Variants in DENND2A observed in about 807,000 individuals in gnomAD.
The protein encoded by DENND2A is DENN domain containing 2A.
DENND2A carries 53 observed loss-of-function variants against 105.3 expected under a neutral mutation model. That is an observed-to-expected ratio of 0.50 (90% CI 0.40 to 0.63). The LOEUF is 0.63. Among genes scored for constraint, DENND2A ranks in the 30% least tolerant of loss-of-function variants. The probability of loss-of-function intolerance (pLI) is 0.00; values close to 1 mark genes in which losing one functional copy is unlikely to be tolerated. For missense variants in DENND2A, 1,138 were observed against 1,279.6 expected (o/e 0.89, Z 1.69); for synonymous variants, 522 against 508.4 (o/e 1.03, Z -0.36).
At chr7:140,593,222 C>A (rs1000097702) in intron 3 of DENND2A, among the ~76,000 whole-genome samples, 1 of 152,182 alleles carries the variant, frequency 6.6e-6, no homozygotes, top group African/African-American at 2.4e-5. Flanking sequence ...AGTAAACATG[C>A]GAGTCACATT....
At chr7:140,610,542 G>A (rs933411933) in intron 1 of DENND2A, among the ~76,000 whole-genome samples, 37 of 152,054 alleles carry the variant, frequency 2.4e-4, no homozygotes, top group African/African-American at 8.9e-4. Flanking sequence ...ATATATATAT[G>A]TATATAATTT....
At chr7:140,555,135 CTTTT>C (rs11308626) in intron 12 of DENND2A, among the ~76,000 whole-genome samples, 1 of 118,458 alleles carries the variant, frequency 8.4e-6, no homozygotes, top group Non-Finnish European at 1.8e-5. Flanking sequence ...TTCATTAACT[CTTTT>C]TTTTTTTTTT....
intron 5 of DENND2A, 126 bp downstream of exon 5, chr7:140,585,462 CA>C: frequency 7.4e-7 from 1 of 1,358,442 alleles, no homozygotes; most frequent in Non-Finnish European, 1.0e-6. Context: ...CAGCGTTGTA[CA>C]AATCCAGGAG....
intron 13 of DENND2A, among the ~76,000 whole-genome samples, chr7:140,545,319 ATGATATG>A (rs1231307380): frequency 6.6e-6 from 1 of 152,044 alleles, no homozygotes; most frequent in Non-Finnish European, 1.5e-5. Context: ...TCCATTTCTG[ATGATATG>A]TGCTTTCAGC....
Position 140,527,183 on chromosome 7 carries a change from A to G in DENND2A, c.2505+135T>C. 1 of 960,216 alleles carries G rather than the reference A, an allele frequency of 1.0e-6. No individual in the cohort carries two copies. 59.5% of individuals were successfully genotyped at this position (960,216 alleles called of 1,614,324 possible). On this transcript the variant is annotated intron_variant, in intron 15 of 19. Transcript: ENST00000496613. The surrounding 1 kb of genome is among the most constrained non-coding windows in gnomAD (Gnocchi z 4.9). ...CTCTGGGCAGGACCCATGCCAGACA[A>G]AGCCCTGGTGCCCCCACGCCCTGCT...
Position 140,594,399 on chromosome 7 carries a change from C to G in DENND2A, c.996-6619G>C, listed in dbSNP as rs571735385. ...TTCCTCTGACATGATGCAGTCTTTC[C>G]TGTCTCAGGGCTTTCACCTATTAGT... On this transcript the variant is annotated intron_variant, in intron 3 of 19. Transcript: ENST00000496613. Among the ~76,000 whole-genome samples, 33 of 152,306 alleles carry G rather than the reference C, an allele frequency of 2.2e-4. 1 individual carries two copies. Among genetic ancestry groups the G allele is most frequent in the African/African-American group, 7.2e-4 (30 of 41,578 alleles).
rs774402271 is a variant in DENND2A at position 140,559,743 on chromosome 7, A to G, written c.1854T>C (p.Asp618=). ...LKAIPQFCFP[D]AKDWVPVQQF... is the part of the protein sequence containing the mutation. ...GCTGGACAGGAACCCAATCCTTGGC[A>G]TCGGGAAAACAGAACTGGGGAATGG... Residue 618 remains aspartate (D), a synonymous_variant, in exon 10 of 20, where the codon GAT becomes GAC. Transcript: ENST00000496613. This position sits in a 1 kb window ranked among gnomAD's most constrained non-coding sequence, Gnocchi z 4.1. 12 of 1,614,206 alleles carry G rather than the reference A, an allele frequency of 7.4e-6. No homozygotes were observed. Among genetic ancestry groups the G allele is most frequent in the Admixed American group, 1.7e-5 (1 of 60,020 alleles).
chr7:140,550,524 T>A (rs1055323805), intron 12 of DENND2A, among the ~76,000 whole-genome samples: 4 of 152,232 alleles, frequency 2.6e-5, no homozygotes, highest in African/African-American at 7.2e-5. Context: ...TTTCACCATG[T>A]TTGCCAGGCT....
intron 1 of DENND2A, chr7:140,609,928 C>T (rs1799832396): frequency 6.6e-6 from 1 of 152,096 alleles, no homozygotes; most frequent in Non-Finnish European, 1.5e-5. Context: ...ACTCTTCCCC[C>T]CTTCTCACTA....
intron 1 of DENND2A, among the ~76,000 whole-genome samples, chr7:140,615,561 G>A (rs537200049): frequency 3.4e-5 from 5 of 147,844 alleles, no homozygotes; most frequent in South Asian, 2.1e-4. Flanking sequence ...TTTTTGAGAC[G>A]GAGCCTCGCT....
chr7:140,519,290 C>T (rs1247463671), intron 19 of DENND2A, among the ~76,000 whole-genome samples: 1 of 152,190 alleles, frequency 6.6e-6, no homozygotes, highest in African/African-American at 2.4e-5. Context: ...GGAATTTGGA[C>T]ACCAGTGCGA....
intron 1 of DENND2A, among the ~76,000 whole-genome samples, chr7:140,623,563 A>C (rs1282795734): frequency 6.6e-6 from 1 of 151,698 alleles, no homozygotes; most frequent in Non-Finnish European, 1.5e-5. Flanking sequence ...CCCCGTCTCT[A>C]CTAAAAATAC....
chr7:140,589,839 G>A (rs2130655427), intron 3 of DENND2A, among the ~76,000 whole-genome samples: 1 of 152,214 alleles, frequency 6.6e-6, no homozygotes, highest in Middle Eastern at 3.4e-3. Flanking sequence ...TTGCTGCCCA[G>A]GCTGGTCTCA....
intron 12 of DENND2A, among the ~76,000 whole-genome samples, chr7:140,551,299 C>CAAAAAA (rs529992901): frequency 1.1e-4 from 8 of 71,682 alleles, no homozygotes; most frequent in Non-Finnish European, 1.6e-4. Context: ...GACTCCATCT[C>CAAAAAA]AAAAAAAAAA....
intron 12 of DENND2A, 50 bp downstream of exon 12, chr7:140,555,584 TAG>T (rs1797329631): frequency 6.4e-7 from 1 of 1,560,446 alleles, no homozygotes; most frequent in Admixed American, 1.7e-5. Flanking sequence ...TGGAGCCCTC[TAG>T]AGCCCTCCCG....
At chr7:140,569,858 A>T in intron 6 of DENND2A, 120 bp from the exon 7 acceptor site, 2 of 717,920 alleles carry the variant, frequency 2.8e-6, no homozygotes, top group Non-Finnish European at 5.0e-6. Flanking sequence ...GAGTGGGAGA[A>T]ACTTCCCATG....
intron 12 of DENND2A, among the ~76,000 whole-genome samples, chr7:140,550,994 G>A (rs919368119): frequency 2.2e-4 from 33 of 151,778 alleles, no homozygotes; most frequent in African/African-American, 7.7e-4. Flanking sequence ...CTGCTTAGGG[G>A]GACAGTAATG....
At chr7:140,535,782 A>G (rs1796434271) in intron 14 of DENND2A, among the ~76,000 whole-genome samples, 1 of 151,996 alleles carries the variant, frequency 6.6e-6, no homozygotes, top group African/African-American at 2.4e-5. Flanking sequence ...TGGTTTCACC[A>G]TGTTGGTCAG....
At chr7:140,639,652 A>G (rs569705680) in intron 1 of DENND2A, among the ~76,000 whole-genome samples, 1 of 152,180 alleles carries the variant, frequency 6.6e-6, no homozygotes, top group East Asian at 1.9e-4. Flanking sequence ...GCCTATTACA[A>G]CTCTGTTACC....
Sources: allele counts gnomAD v4.1 joint callset (sites outside exome capture counted in the v4.1 genomes callset), GRCh38; gene constraint gnomAD v4.1.1; non-coding constraint Gnocchi (gnomAD v3.1); transcripts MANE v1.5; gene names NCBI Gene and HGNC (gene_info 2026-07-23, HGNC 2026-07-21).